Variants in DCDC1 observed in about 807,000 individuals in gnomAD.
The protein encoded by DCDC1 is doublecortin domain-containing protein 1.
A neutral mutation model predicts 178.3 loss-of-function variants in DCDC1; 200 were observed. The ratio of observed to expected loss-of-function variants is 1.12; its 90% confidence interval spans 1.00 to 1.26. DCDC1 has a LOEUF of 1.26. DCDC1 is among the 50% of genes most tolerant of loss of function. The pLI, the probability that DCDC1 is intolerant of heterozygous loss-of-function variation, is 0.00. For missense variants in DCDC1, 1,983 were observed against 1,749.2 expected, an observed-to-expected ratio of 1.13 and a Z score of -2.38; for synonymous variants, 690 against 604.8, an observed-to-expected ratio of 1.14 and a Z score of -2.07.
intron 3 of DCDC1, among the ~76,000 whole-genome samples, chr11:31,313,605 CA>C (rs980459667): frequency 6.6e-6 from 1 of 152,156 alleles, no homozygotes; most frequent in Non-Finnish European, 1.5e-5. Context: ...AAGATCTACA[CA>C]GATATCTTTT....
At chr11:31,165,783 G>A (rs945103670) in intron 9 of DCDC1, among the ~76,000 whole-genome samples, 6 of 152,108 alleles carry the variant, frequency 3.9e-5, no homozygotes, top group Non-Finnish European at 7.3e-5. Flanking sequence ...TCTTTGATGA[G>A]GAGGTTGTAG....
At chr11:31,265,028 G>C (rs567793928) in intron 8 of DCDC1, among the ~76,000 whole-genome samples, 149 of 152,166 alleles carry the variant, frequency 9.8e-4, no homozygotes, top group Middle Eastern at 6.8e-3. Context: ...TACACACTTA[G>C]TAGAGAGTAA....
At chr11:31,017,181 G>A (rs556717168) in intron 20 of DCDC1, among the ~76,000 whole-genome samples, 93 of 152,166 alleles carry the variant, frequency 6.1e-4, no homozygotes, top group African/African-American at 1.8e-3. Flanking sequence ...AAGTATAGTT[G>A]ACCCTTAAAC....
At chr11:31,026,111 T>C (rs1171406940) in intron 20 of DCDC1, among the ~76,000 whole-genome samples, 2 of 151,832 alleles carry the variant, frequency 1.3e-5, no homozygotes, top group African/African-American at 4.8e-5. Flanking sequence ...TTTAAACTCA[T>C]TAATCATTGG....
intron 21 of DCDC1, 23 bp from the exon 22 acceptor site, chr11:30,931,975 CATA>C: frequency 1.3e-5 from 21 of 1,586,874 alleles, no homozygotes; most frequent in Non-Finnish European, 1.8e-5. Context: ...ATGACAAAAA[CATA>C]ATAATAAATA....
chr11:30,954,397 C>G (rs1948646212), intron 20 of DCDC1, among the ~76,000 whole-genome samples: 1 of 152,108 alleles, frequency 6.6e-6, no homozygotes, highest in Non-Finnish European at 1.5e-5. Context: ...AAACGAGCTC[C>G]TGATCATATA....
intron 17 of DCDC1, among the ~76,000 whole-genome samples, chr11:31,087,622 A>G (rs1279491765): frequency 6.6e-6 from 1 of 152,068 alleles, no homozygotes; most frequent in Admixed American, 6.5e-5. Context: ...ATGTGTTCAA[A>G]TATCTGGGGG....
intron 8 of DCDC1, among the ~76,000 whole-genome samples, chr11:31,243,627 A>T (rs902638693): frequency 2.0e-5 from 3 of 151,952 alleles, no homozygotes; most frequent in Middle Eastern, 3.4e-3. Flanking sequence ...TTCAAAGTTT[A>T]TACTCTCCAC....
At position 30,878,667 on chromosome 11, in the gene DCDC1, G is replaced by A. The variant is rs200380430; in HGVS notation, c.5278C>T (p.Arg1760Ter). The A allele has an allele frequency of 3.6e-4, 580 of 1,609,050 alleles. No individual in the cohort carries two copies. Among genetic ancestry groups the A allele is most frequent in the Non-Finnish European group, 4.4e-4 (521 of 1,178,106 alleles). Residue 1760 changes from arginine (R) to a stop codon, truncating the protein, a stop_gained, in exon 38 of 39, where the codon CGA becomes TGA. Transcript: ENST00000684477. LOFTEE classifies it high-confidence loss of function. ...MEIRANYARI[R>*]RQQGPQATDI... ...GTGGCTTGAGGGCCCTGCTGCCTTCGGATTCTGGCATAATTTGCTCTGATC... is the reference window on the plus strand; with the variant it reads ...GTGGCTTGAGGGCCCTGCTGCCTTCAGATTCTGGCATAATTTGCTCTGATC...
At chr11:31,328,945 CTTTTTTTTTTTTT>C (rs1176942329) in intron 2 of DCDC1, among the ~76,000 whole-genome samples, 1,268 of 47,790 alleles carry the variant, frequency 0.027, 20 homozygotes, top group African/African-American at 0.087. Flanking sequence ...CACCACAAGG[CTTTTTTTTTTTTT>C]TTTTTTTTTT....
intron 20 of DCDC1, among the ~76,000 whole-genome samples, chr11:31,039,965 C>CCTAACAA (rs1954321369): frequency 6.6e-6 from 1 of 151,916 alleles, no homozygotes; most frequent in Non-Finnish European, 1.5e-5. Flanking sequence ...AACCTAACCC[C>CCTAACAA]AAAGCATGAA....
chr11:31,279,629 C>T lies in DCDC1; in HGVS notation c.960+11018G>A, dbSNP rs146681480. 1.0e-3 allele frequency among the ~76,000 whole-genome samples: 156 copies of T among 152,204 alleles called. 2 individuals are homozygous for T. In the East Asian group the frequency reaches 0.025, roughly 24 times the overall value. ...GAAACCATCATTCTCAGAAAACTAACACAAGAACAGAAAACCAAACACCAC... is the reference window on the plus strand; with the variant it reads ...GAAACCATCATTCTCAGAAAACTAATACAAGAACAGAAAACCAAACACCAC... On this transcript the variant is annotated intron_variant, in intron 7 of 38. Transcript: ENST00000684477.
At chr11:31,160,746 A>T (rs1002824854) in intron 9 of DCDC1, among the ~76,000 whole-genome samples, 1 of 152,190 alleles carries the variant, frequency 6.6e-6, no homozygotes, top group Non-Finnish European at 1.5e-5. Context: ...GCATTTCTTT[A>T]AAAAGTTACA....
chr11:31,367,086 A>C lies in DCDC1; in HGVS notation c.-125+2611T>G, dbSNP rs536764769. On this transcript the variant is annotated intron_variant, in intron 1 of 38. Coordinates refer to ENST00000684477, the MANE Select transcript of DCDC1 (RefSeq NM_001387274.1). ...TGAGGCAGGCAGATTGCTTGAGCTCAAGAGTTCCAGACCAGCCTGGCCAAC... is the reference window on the plus strand; with the variant it reads ...TGAGGCAGGCAGATTGCTTGAGCTCCAGAGTTCCAGACCAGCCTGGCCAAC... Among the ~76,000 whole-genome samples, 12 of 152,312 alleles carry C rather than the reference A, an allele frequency of 7.9e-5. No individual in the cohort carries two copies. The East Asian group carries it at 2.3e-3, about 29-fold the overall frequency.
chr11:30,990,246 G>A (rs567124880), intron 20 of DCDC1, among the ~76,000 whole-genome samples: 1 of 152,116 alleles, frequency 6.6e-6, no homozygotes, highest in Non-Finnish European at 1.5e-5. Flanking sequence ...CCTTAAGAGA[G>A]ATACAAAAAC....
At chr11:30,925,566 A>C (rs1039669806) in intron 22 of DCDC1, among the ~76,000 whole-genome samples, 158 bp from the exon 23 acceptor site, 1 of 152,214 alleles carries the variant, frequency 6.6e-6, no homozygotes. Flanking sequence ...GACCCATTTG[A>C]GTCTCATTTT....
At chr11:31,106,669 C>G in intron 13 of DCDC1, 128 bp downstream of exon 13, 1 of 670,056 alleles carries the variant, frequency 1.5e-6, no homozygotes, top group South Asian at 1.7e-5. Context: ...AAAAACACCT[C>G]TAAAATTTTA....
chr11:31,268,399 G>C (rs940583032), intron 7 of DCDC1, among the ~76,000 whole-genome samples: 5 of 152,158 alleles, frequency 3.3e-5, no homozygotes, highest in Admixed American at 3.3e-4. Flanking sequence ...GGAGTTCACA[G>C]TGTCTGCTGT....
chr11:31,266,994 C>T, intron 7 of DCDC1, among the ~76,000 whole-genome samples: 1 of 152,136 alleles, frequency 6.6e-6, no homozygotes, highest in Non-Finnish European at 1.5e-5. Flanking sequence ...GGTTCTCAGC[C>T]TTTATTCTAC....
Sources: allele counts gnomAD v4.1 joint callset (sites outside exome capture counted in the v4.1 genomes callset), GRCh38; gene constraint gnomAD v4.1.1; transcripts MANE v1.5; gene names NCBI Gene and HGNC (gene_info 2026-07-23, HGNC 2026-07-21).